Variants in DPP3 observed in about 807,000 individuals in gnomAD.
The protein encoded by DPP3 is DPP III.
In DPP3, 64 loss-of-function variants were observed where a neutral mutation model predicts 89.8. That is an observed-to-expected ratio of 0.71 (90% CI 0.58 to 0.88). DPP3 has a LOEUF of 0.88. Among genes scored for constraint, DPP3 ranks in the 40% least tolerant of loss-of-function variants. The pLI, the probability that DPP3 is intolerant of heterozygous loss-of-function variation, is 0.00. For synonymous variants in DPP3, 377 were observed against 404.3 expected, an observed-to-expected ratio of 0.93 and a Z score of 0.81; for missense variants, 835 against 972.5, an observed-to-expected ratio of 0.86 and a Z score of 1.88.
At chr11:66,488,147 G>T (rs1855285634) in intron 6 of DPP3, 140 bp downstream of exon 6, 2 of 738,356 alleles carry the variant, frequency 2.7e-6, no homozygotes, top group Non-Finnish European at 4.3e-6. Flanking sequence ...CCTGGGAATG[G>T]CTCTAGTTTC....
Position 66,480,778 on chromosome 11 carries a change from G to C in DPP3, c.-9+313G>C, listed in dbSNP as rs1855055063. The C allele has an allele frequency of 2.2e-5, 7 of 313,884 alleles. No homozygotes were observed. The East Asian group carries it at 3.6e-4, about 16-fold the overall frequency. The allele number at this position is 313,884 out of a possible 1,614,324, so 19.4% of individuals were successfully genotyped here. ...GGTTGGGGAATCCCCGGGTTCCAAC[G>C]GGGCTGTCAGACCTTCAGTAAATTG... is the stretch of plus-strand genomic sequence containing the variant. On this transcript the variant is annotated intron_variant, in intron 1 of 17. Coordinates refer to ENST00000531863, the MANE Select transcript of DPP3 (RefSeq NM_130443.4).
chr11:66,491,182 A>G, intron 6 of DPP3, 71 bp from the exon 7 acceptor site: 1 of 1,600,784 alleles, frequency 6.2e-7, no homozygotes, highest in African/African-American at 1.4e-5. Flanking sequence ...GAGGTGTCTT[A>G]CTCAGGCCTT....
chr11:66,483,957 G>A (rs1221230530), intron 2 of DPP3, among the ~76,000 whole-genome samples: 1 of 151,758 alleles, frequency 6.6e-6, no homozygotes, highest in African/African-American at 2.4e-5. Context: ...TGCAACCCAA[G>A]CGTTATTATT....
chr11:66,489,063 G>A lies in DPP3; in HGVS notation c.667+1056G>A, dbSNP rs573898383. Among the ~76,000 whole-genome samples, 23 of 152,184 alleles carry A rather than the reference G, an allele frequency of 1.5e-4. No individual in the cohort carries two copies. The South Asian group carries it at 1.9e-3, about 12-fold the overall frequency. ...GTATTTTTAGTAGAGATGAGATTTC[G>A]CCATTTGGCCAGGCTGGTCCTGAAC... On this transcript the variant is annotated intron_variant, in intron 6 of 17. Coordinates refer to ENST00000531863, the MANE Select transcript of DPP3 (RefSeq NM_130443.4).
At chr11:66,481,179 G>A (rs950396409) in intron 1 of DPP3, among the ~76,000 whole-genome samples, 4 of 152,288 alleles carry the variant, frequency 2.6e-5, no homozygotes, top group South Asian at 2.1e-4. Context: ...TGTGAGCACA[G>A]TGGAAAGTGT....
rs780614192 is a variant in DPP3, at chr11:66,487,262, C to T, written c.499-6C>T. 1.9e-6 allele frequency: 3 copies of T among 1,613,854 alleles called. No homozygotes were observed. The highest frequency in any genetic ancestry group is 2.5e-6 in the Non-Finnish European group (3 of 1,179,802). On this transcript the variant is annotated splice_region_variant and splice_polypyrimidine_tract_variant and intron_variant, in intron 4 of 17. Coordinates refer to ENST00000531863, the MANE Select transcript of DPP3 (RefSeq NM_130443.4). Reference sequence around the variant, plus strand: ...TCTTTCTCATGTCCCCTGTCTTCCCCAACAGGGAATCACCACCTATTTCTC... The same window carrying T: ...TCTTTCTCATGTCCCCTGTCTTCCCTAACAGGGAATCACCACCTATTTCTC...
intron 16 of DPP3, among the ~76,000 whole-genome samples, chr11:66,499,889 T>C (rs1231793735): frequency 6.6e-6 from 1 of 152,138 alleles, no homozygotes; most frequent in African/African-American, 2.4e-5. Context: ...GTGCCTAATT[T>C]ATAAATTAAA....
At chr11:66,505,945 T>C (rs971976632) in intron 17 of DPP3, among the ~76,000 whole-genome samples, 1 of 152,112 alleles carries the variant, frequency 6.6e-6, no homozygotes, top group Non-Finnish European at 1.5e-5. Context: ...GGTTTTGTTT[T>C]TGTTTTTGTT....
At chr11:66,496,307 C>T (rs1310606599) in intron 15 of DPP3, among the ~76,000 whole-genome samples, 1 of 152,180 alleles carries the variant, frequency 6.6e-6, no homozygotes, top group East Asian at 1.9e-4. Context: ...AGTGCAGTGG[C>T]CGGATCTCGG....
intron 2 of DPP3, among the ~76,000 whole-genome samples, chr11:66,484,420 C>A (rs1156478656): frequency 3.9e-5 from 6 of 152,110 alleles, no homozygotes; most frequent in Non-Finnish European, 8.8e-5. Context: ...CTCAGTGCTA[C>A]CACTGGGATG....
chr11:66,495,073 A>T, intron 12 of DPP3, 133 bp from the exon 13 acceptor site: 1 of 1,259,424 alleles, frequency 7.9e-7, no homozygotes, highest in Non-Finnish European at 1.1e-6. Context: ...GTGTGGACAG[A>T]CCTGCTGCTC....
rs1590741343 is a variant in DPP3, at chr11:66,495,894, A to G, written c.1698+144A>G. The stretch of plus-strand genomic sequence containing the variant: ...CTCCACTGTTTGGGAGGCAAGTCAC[A>G]TCACTCTTGTGAGCCCCAGAGTTCC... On this transcript the variant is annotated intron_variant, in intron 15 of 17. Coordinates refer to ENST00000531863, the MANE Select transcript of DPP3 (RefSeq NM_130443.4). 4 of 1,380,140 alleles carry G rather than the reference A, an allele frequency of 2.9e-6. No individual in the cohort carries two copies. The East Asian group carries it at 1.0e-4, about 35-fold the overall frequency. 85.5% of individuals were successfully genotyped at this position (1,380,140 alleles called of 1,614,324 possible).
In DPP3 at chr11:66,482,205, C is replaced by T. The variant is rs145932032; in HGVS notation, c.5C>T (p.Ala2Val). 3.0e-4 allele frequency: 480 copies of T among 1,614,034 alleles called. 2 individuals carry two copies. The highest frequency in any genetic ancestry group is 2.7e-4 in the Admixed American group (16 of 60,014). M[A>V]DTQYILPNDI... ...TGATGGTTCTCAGCAGGGCCCATGG[C>T]GGACACCCAGTACATCCTGCCCAAT... is the stretch of plus-strand genomic sequence containing the variant. The change falls in exon 2 of 18, where the codon GCG (alanine) becomes GTG (valine). Residue 2 changes from alanine to valine, a missense_variant. Physicochemically the swap from Ala to Val is moderately conservative, Grantham distance 64. Coordinates refer to ENST00000531863, the MANE Select transcript of DPP3 (RefSeq NM_130443.4).
rs147163996 is a variant in DPP3, at chr11:66,504,645, C to T, written c.1912C>T (p.Arg638Trp). Reference sequence around the variant, plus strand: ...GTCCACAGGGGATGTGGCCGGAGGGCGGGCCCTGTACGAGGGGTATGCAAC... The same window carrying T: ...GTCCACAGGGGATGTGGCCGGAGGGTGGGCCCTGTACGAGGGGTATGCAAC... The part of the protein sequence containing the change: ...LKSTGDVAGG[R>W]ALYEGYATVT... Residue 638 changes from arginine to tryptophan, a missense_variant, in exon 17 of 18, where the codon CGG becomes TGG. Coordinates refer to ENST00000531863, the MANE Select transcript of DPP3 (RefSeq NM_130443.4). The T allele has an allele frequency of 3.5e-5, 57 of 1,612,602 alleles. No homozygotes were observed. Among genetic ancestry groups the T allele is most frequent in the Middle Eastern group, 3.4e-4 (2 of 5,838 alleles).
At chr11:66,490,363 G>A (rs1460767311) in intron 6 of DPP3, among the ~76,000 whole-genome samples, 2 of 152,156 alleles carry the variant, frequency 1.3e-5, no homozygotes, top group African/African-American at 4.8e-5. Context: ...TTACAGTTGT[G>A]GAGGTCCAGA....
At position 66,497,574 on chromosome 11, in the gene DPP3, A is replaced by T. The variant is rs1855571790; in HGVS notation, c.1878+97A>T. On this transcript the variant is annotated intron_variant, in intron 16 of 17. Transcript: ENST00000531863. Reference sequence around the variant, plus strand: ...GAGAATAAGCTGTGAGCAGTTTCTTATGCTGCAGTGAGGAAAGGTAGCCAG... The same window carrying T: ...GAGAATAAGCTGTGAGCAGTTTCTTTTGCTGCAGTGAGGAAAGGTAGCCAG... 3.4e-6 allele frequency: 5 copies of T among 1,457,026 alleles called. No homozygotes were observed. In the East Asian group the frequency reaches 1.2e-4, roughly 35 times the overall value. The allele number at this position is 1,457,026 out of a possible 1,614,324, so 90.3% of individuals were successfully genotyped here.
At chr11:66,492,433 G>T in intron 9 of DPP3, 1 of 384,228 alleles carries the variant, frequency 2.6e-6, no homozygotes, top group Non-Finnish European at 4.6e-6. Context: ...AGATTAGCCT[G>T]GGAGGAGAGC....
chr11:66,494,127 G>T (rs1360637712), intron 12 of DPP3, among the ~76,000 whole-genome samples: 1 of 152,162 alleles, frequency 6.6e-6, no homozygotes, highest in East Asian at 1.9e-4. Flanking sequence ...ATCGTAGGGA[G>T]CCACTTCTCC....
chr11:66,486,519 T>C (rs1266415615), intron 3 of DPP3, 21 bp from the exon 4 acceptor site: 4 of 1,485,630 alleles, frequency 2.7e-6, no homozygotes, highest in Admixed American at 2.3e-5. Context: ...GACTGGGCCA[T>C]TGGCCTCCCT....
Sources: gnomAD v4.1 joint callset for allele counts (sites outside exome capture counted in the v4.1 genomes callset) on GRCh38, gnomAD v4.1.1 for gene constraint, MANE v1.5 for transcripts, NCBI Gene and HGNC (gene_info 2026-07-23, HGNC 2026-07-21) for gene names.